The following WDFY3 variants were observed in gnomAD, a reference collection of about 807,000 sequenced individuals.
The protein encoded by WDFY3 is WD repeat and FYVE domain-containing protein 3.
In WDFY3, 66 loss-of-function variants were observed where a neutral mutation model predicts 409.6. That is an observed-to-expected ratio of 0.16 (90% CI 0.13 to 0.20). The LOEUF (loss-of-function observed/expected upper bound fraction) is 0.20. Among genes scored for constraint, WDFY3 ranks in the 10% least tolerant of loss-of-function variants. The pLI is 1.00. For missense variants in WDFY3, 3,031 were observed against 4,298.1 expected (o/e 0.71, Z 8.24); for synonymous variants, 1,521 against 1,537.1 (o/e 0.99, Z 0.25).
At chr4:84,784,885 T>TACAC (rs1325257649) in intron 24 of WDFY3, among the ~76,000 whole-genome samples, 1 of 96,076 alleles carries the variant, frequency 1.0e-5, no homozygotes, top group African/African-American at 4.2e-5. Flanking sequence ...TATATATATA[T>TACAC]ATATATACAC....
intron 60 of WDFY3, among the ~76,000 whole-genome samples, chr4:84,691,319 G>A (rs1729228296): frequency 6.6e-6 from 1 of 152,220 alleles, no homozygotes; most frequent in South Asian, 2.1e-4. Context: ...TGACAGAAAT[G>A]CTGAGCTCCT....
intron 1 of WDFY3, among the ~76,000 whole-genome samples, chr4:84,952,842 G>A (rs1450861183): frequency 6.6e-6 from 1 of 152,132 alleles, no homozygotes; most frequent in Non-Finnish European, 1.5e-5. Context: ...ATACATGGTA[G>A]ATTGGTGCAG....
rs200310967 is a variant in WDFY3 at position 84,808,399 on chromosome 4, A to G, written c.2364T>C (p.Pro788=). Residue 788 remains proline (P), a synonymous_variant, in exon 15 of 68, where the codon CCT becomes CCC. Coordinates refer to ENST00000295888, the MANE Select transcript of WDFY3 (RefSeq NM_014991.6). ...GAGAAGACTCACTTGTCAGGCAAGG[A>G]GGGATCTGTTCTGCACGACTACAGA... ...DSFDSRAEQI[P]PCLTSESSLP... is the part of the protein sequence containing the mutation. The G allele has an allele frequency of 1.1e-5, 18 of 1,613,932 alleles. No individual in the cohort carries two copies. In the East Asian group the frequency reaches 4.0e-4, roughly 36 times the overall value.
intron 46 of WDFY3, among the ~76,000 whole-genome samples, chr4:84,723,415 ATTTTT>A (rs1735153388): frequency 6.6e-6 from 1 of 152,210 alleles, no homozygotes; most frequent in Non-Finnish European, 1.5e-5. Flanking sequence ...ATTAAAACTT[ATTTTT>A]AATTTATTAG....
rs751683409 is a variant in WDFY3, at chr4:84,801,678, A to G, written c.2794T>C (p.Ser932Pro). ...AACACCATGGGTTCCAGAGCCTGAG[A>G]GGCTAATCGTTCAAACATCCGCTGC... ...PLQRMFERLA[S>P]QALEPMVLRE... Residue 932 changes from serine (S) to proline (P), a missense_variant, in exon 17 of 68, where the codon TCT becomes CCT. Ser to Pro is a moderately conservative substitution (Grantham distance 74, BLOSUM62 -1). This residue lies in a region of WDFY3 where 1,322 missense variants were observed against 1,697.9 expected (regional missense o/e 0.78). Transcript: ENST00000295888. The G allele has an allele frequency of 1.3e-5, 21 of 1,611,718 alleles. No homozygotes were observed. Among genetic ancestry groups the G allele is most frequent in the Non-Finnish European group, 1.7e-5 (20 of 1,179,356 alleles).
chr4:84,696,078 G>A lies in WDFY3; in HGVS notation c.8793C>T (p.Phe2931=). The stretch of plus-strand genomic sequence containing the variant: ...CTTGACCCTCATAAAAAAGATGATG[G>A]AAGACATTTACAGCTTCTACTGCAG... ...GPAAVEAVNV[F]HHLFYEGQVD... Residue 2931 remains phenylalanine (F), a synonymous_variant, in exon 58 of 68, where the codon TTC becomes TTT. Transcript: ENST00000295888. The A allele has an allele frequency of 1.2e-6, 2 of 1,614,110 alleles. No homozygotes were observed. Among genetic ancestry groups the A allele is most frequent in the South Asian group, 1.1e-5 (1 of 91,088 alleles).
rs374551321 is a variant in WDFY3 at position 84,831,449 on chromosome 4, G to A, written c.733C>T (p.His245Tyr). ...TTCACTACATTGACACTAAGACCATGACGAGATATGGTCATGAGGACTTCT... is the reference window on the plus strand; with the variant it reads ...TTCACTACATTGACACTAAGACCATAACGAGATATGGTCATGAGGACTTCT... ...AGEVLMTISR[H>Y]GLSVNVVKYI... The change falls in exon 8 of 68, where the codon CAT becomes TAT. Residue 245 changes from histidine to tyrosine, a missense_variant. By Grantham distance (83) the His-to-Tyr change is moderately conservative. This residue lies in a region of WDFY3 where 1,322 missense variants were observed against 1,697.9 expected (regional missense o/e 0.78). Transcript: ENST00000295888. 2 of 1,613,550 alleles carry A rather than the reference G, an allele frequency of 1.2e-6. No individual in the cohort carries two copies. The highest frequency in any genetic ancestry group is 2.7e-5 in the African/African-American group (2 of 74,880).
chr4:84,917,655 T>C (rs946086098), intron 2 of WDFY3, among the ~76,000 whole-genome samples: 1 of 152,052 alleles, frequency 6.6e-6, no homozygotes, highest in Non-Finnish European at 1.5e-5. Context: ...TCAAACTCTT[T>C]ATGTTTTTTA....
intron 53 of WDFY3, 109 bp from the exon 54 acceptor site, chr4:84,705,620 T>A: frequency 1.2e-6 from 1 of 861,674 alleles, no homozygotes. Context: ...CGCACTAGTA[T>A]CTGTGGGGTC....
In WDFY3 at chr4:84,938,558, C is replaced by T. The variant is rs376376161; in HGVS notation, c.-225-6195G>A. 4.6e-5 allele frequency among the ~76,000 whole-genome samples: 7 copies of T among 152,176 alleles called. No homozygotes were observed. In the East Asian group the frequency reaches 1.2e-3, roughly 25 times the overall value. On this transcript the variant is annotated intron_variant, in intron 1 of 67. Coordinates refer to ENST00000295888, the MANE Select transcript of WDFY3 (RefSeq NM_014991.6). ...AACACCAGCACACAGGAAAATATTA[C>T]AAAAATGTTCATTCCAAACTGGTTC...
At chr4:84,858,483 T>C (rs1760078815) in intron 4 of WDFY3, among the ~76,000 whole-genome samples, 1 of 152,014 alleles carries the variant, frequency 6.6e-6, no homozygotes, top group African/African-American at 2.4e-5. Context: ...ACTGTGATAT[T>C]AATAGCACAA....
intron 1 of WDFY3, among the ~76,000 whole-genome samples, chr4:84,954,263 A>G (rs1024706457): frequency 6.6e-6 from 1 of 152,234 alleles, no homozygotes; most frequent in Non-Finnish European, 1.5e-5. Context: ...GTCCCTACTC[A>G]TTACACAAAT....
intron 4 of WDFY3, among the ~76,000 whole-genome samples, chr4:84,860,003 A>G (rs1760369641): frequency 6.6e-6 from 1 of 152,240 alleles, no homozygotes; most frequent in Non-Finnish European, 1.5e-5. Flanking sequence ...CTCTTAAACA[A>G]CAGCAAATTG....
rs1015343010 is a variant in WDFY3, at chr4:84,808,325, G to T, written c.2429+9C>A. ...AAATAGAGACTGACTTCTCTTATAT[G>T]ATCAGTACCTTTTCCTGGACAAAGC... On this transcript the variant is annotated intron_variant, in intron 15 of 67. Coordinates refer to ENST00000295888, the MANE Select transcript of WDFY3 (RefSeq NM_014991.6). 6.2e-7 allele frequency: 1 copy of T among 1,610,744 alleles called. No homozygotes were observed. The highest frequency in any genetic ancestry group is 8.5e-7 in the Non-Finnish European group (1 of 1,177,178).
chr4:84,691,506 T>C (rs1729256843), intron 60 of WDFY3, 125 bp downstream of exon 60: 1 of 1,055,010 alleles, frequency 9.5e-7, no homozygotes, highest in African/African-American at 1.6e-5. Flanking sequence ...CTCACTTTTC[T>C]TTTGGGCTTT....
At chr4:84,727,011 T>C (rs1038419941) in intron 44 of WDFY3, 100 bp from the exon 45 acceptor site, 1 of 1,073,960 alleles carries the variant, frequency 9.3e-7, no homozygotes, top group South Asian at 1.5e-5. Context: ...ATATGAAAGA[T>C]GTAGTTACTC....
intron 39 of WDFY3, 62 bp downstream of exon 39, chr4:84,740,120 TAAAGA>T: frequency 6.7e-7 from 1 of 1,487,650 alleles, no homozygotes; most frequent in Non-Finnish European, 9.3e-7. Flanking sequence ...TCAAAAAAAA[TAAAGA>T]ATTTTGTTGG....
rs770700927 is a variant in WDFY3 at position 84,743,688 on chromosome 4, A to T, written c.6073+12T>A. On this transcript the variant is annotated intron_variant, in intron 37 of 67. Transcript: ENST00000295888. ...TTATAGGTATTTCTATAAAATAAAA[A>T]CACAGAATTACCTAATAACACATCA... The T allele has an allele frequency of 4.6e-6, 7 of 1,518,758 alleles. No homozygotes were observed. In the African/African-American group the frequency reaches 9.8e-5, roughly 21 times the overall value. The allele number at this position is 1,518,758 out of a possible 1,614,324, so 94.1% of individuals were successfully genotyped here. A position where few individuals can be genotyped will look rare whatever the true frequency, so the allele number is the denominator to read the frequency against.
chr4:84,898,245 C>T (rs1765896176), intron 2 of WDFY3, among the ~76,000 whole-genome samples: 1 of 152,114 alleles, frequency 6.6e-6, no homozygotes, highest in African/African-American at 2.4e-5. Context: ...TTACATTGGA[C>T]AATGCTGGCT....
Sources: allele counts gnomAD v4.1 joint callset (sites outside exome capture counted in the v4.1 genomes callset), GRCh38; gene constraint gnomAD v4.1.1; regional missense constraint gnomAD v4.1.1; transcripts MANE v1.5; gene names NCBI Gene and HGNC (gene_info 2026-07-23, HGNC 2026-07-21).